The following NINL variants were observed in gnomAD, a reference collection of about 807,000 sequenced individuals.
NINL encodes ninein-like protein.
NINL carries 153 observed loss-of-function variants against 160.3 expected under a neutral mutation model. The observed-to-expected ratio is 0.95, with a 90% CI of 0.84 to 1.09. The LOEUF (loss-of-function observed/expected upper bound fraction) is 1.09, where lower values mean the gene tolerates loss of function less well. NINL is among the 50% of genes least tolerant of loss of function. The pLI, the probability that NINL is intolerant of heterozygous loss-of-function variation, is 0.00. For missense variants in NINL, 1,829 were observed against 1,764.0 expected (o/e 1.04, Z -0.66); for synonymous variants, 800 against 734.8 (o/e 1.09, Z -1.43).
At position 25,498,344 on chromosome 20, in the gene NINL, G is replaced by A. The variant is rs374453739; in HGVS notation, c.1035C>T (p.Ser345=). The A allele has an allele frequency of 2.9e-4, 470 of 1,612,550 alleles. 4 individuals are homozygous for A. The Middle Eastern group carries it at 4.1e-3, about 14-fold the overall frequency. Residue 345 remains serine, a splice_region_variant and synonymous_variant, in exon 9 of 24, where the codon AGC becomes AGT. Coordinates refer to ENST00000278886, the MANE Select transcript of NINL (RefSeq NM_025176.6). ...GIQNGREILQ[S]LDFSVDEKVN... is the part of the protein sequence containing the mutation. ...CCTTCTCGTCCACGCTGAAGTCCAG[G>A]CTCTGGAAGCAGCAAGCCTGGTAAG...
intron 1 of NINL, among the ~76,000 whole-genome samples, chr20:25,564,684 C>A (rs1016419129): frequency 1.3e-5 from 2 of 151,516 alleles, no homozygotes; most frequent in South Asian, 4.2e-4. Flanking sequence ...AACTCCTGAC[C>A]TCAAGTGATC....
At position 25,562,081 on chromosome 20, in the gene NINL, TCAGCCCCCCGCC is replaced by T. The variant is rs1343188707; in HGVS notation, c.-12+23362_-12+23373del. 9.1e-5 allele frequency among the ~76,000 whole-genome samples: 11 copies of T among 121,338 alleles called. No homozygotes were observed. In the South Asian group the frequency reaches 2.5e-3, roughly 27 times the overall value. The allele number at this position is 121,338 out of a possible 152,430, so 79.6% of individuals were successfully genotyped here. A position where few individuals can be genotyped will look rare whatever the true frequency, so the allele number is the denominator to read the frequency against. On this transcript the variant is annotated intron_variant, in intron 1 of 23. Transcript: ENST00000278886. ...CCCGTCCGGGAGGCAGGTGGGGGGG[TCAGCCCCCCGCC>T]CAGCCAGCCGCCCCGTCCGGGAGGG...
At chr20:25,502,008 G>A (rs936997139) in intron 7 of NINL, among the ~76,000 whole-genome samples, 2 of 152,128 alleles carry the variant, frequency 1.3e-5, no homozygotes, top group African/African-American at 2.4e-5. Flanking sequence ...TTGAGCCAGA[G>A]TCTCACTCTG....
intron 1 of NINL, among the ~76,000 whole-genome samples, chr20:25,565,876 G>T (rs1289209748): frequency 6.6e-6 from 1 of 152,134 alleles, no homozygotes; most frequent in African/African-American, 2.4e-5. Flanking sequence ...CTCCTGTCCT[G>T]GAACAACAAC....
At chr20:25,465,800 C>A (rs1034835009) in intron 19 of NINL, among the ~76,000 whole-genome samples, 1 of 152,114 alleles carries the variant, frequency 6.6e-6, no homozygotes, top group Non-Finnish European at 1.5e-5. Flanking sequence ...AATGTGGCAC[C>A]CCCAGCTGCA....
chr20:25,564,641 C>G (rs1020306646), intron 1 of NINL, among the ~76,000 whole-genome samples: 4 of 151,688 alleles, frequency 2.6e-5, no homozygotes, highest in Admixed American at 6.6e-5. Context: ...TTAGTAGACA[C>G]GGGGTTTCAC....
At chr20:25,560,184 A>G (rs2064918183) in intron 1 of NINL, among the ~76,000 whole-genome samples, 2 of 152,108 alleles carry the variant, frequency 1.3e-5, no homozygotes, top group Admixed American at 1.3e-4. Context: ...CCTTGGCCTC[A>G]GGCAATTCTT....
At chr20:25,583,243 T>A (rs1011106023) in intron 1 of NINL, among the ~76,000 whole-genome samples, 1 of 151,424 alleles carries the variant, frequency 6.6e-6, no homozygotes, top group African/African-American at 2.4e-5. Context: ...AGGTCTAATA[T>A]CCAGAATATA....
At chr20:25,521,350 A>T (rs1239491510) in intron 2 of NINL, among the ~76,000 whole-genome samples, 1 of 152,220 alleles carries the variant, frequency 6.6e-6, no homozygotes, top group Non-Finnish European at 1.5e-5. Flanking sequence ...GCTCTAAAAA[A>T]ATCTCTAATA....
intron 1 of NINL, among the ~76,000 whole-genome samples, chr20:25,553,707 C>G (rs2064831073): frequency 6.6e-6 from 1 of 152,186 alleles, no homozygotes; most frequent in Non-Finnish European, 1.5e-5. Context: ...CTTCACTTAT[C>G]TTTCTCCCCA....
Position 25,462,617 on chromosome 20 carries a change from T to C in NINL, c.3424-76A>G, listed in dbSNP as rs1226785327. 18 of 1,259,990 alleles carry C rather than the reference T, an allele frequency of 1.4e-5. No individual in the cohort carries two copies. In the East Asian group the frequency reaches 4.4e-4, roughly 31 times the overall value. The allele number at this position is 1,259,990 out of a possible 1,614,324, so 78.1% of individuals were successfully genotyped here. On this transcript the variant is annotated intron_variant, in intron 19 of 23. Transcript: ENST00000278886. ...ATGTTATATATACATTTGCCCATCA[T>C]TGGCTATATTTTTATTAAGTAGTCA...
At chr20:25,496,881 A>G (rs757878686) in intron 9 of NINL, 78 bp from the exon 10 acceptor site, 275 of 1,561,932 alleles carry the variant, frequency 1.8e-4, no homozygotes, top group Non-Finnish European at 2.2e-4. Flanking sequence ...TCTGGGCCCC[A>G]TATCTGCATC....
chr20:25,479,356 G>T, intron 15 of NINL, 150 bp from the exon 16 acceptor site: 2 of 1,005,956 alleles, frequency 2.0e-6, no homozygotes, highest in Non-Finnish European at 2.9e-6. Flanking sequence ...GAAGGGGACA[G>T]TGACATGAAT....
At chr20:25,549,817 T>C (rs2064785186) in intron 1 of NINL, among the ~76,000 whole-genome samples, 1 of 152,142 alleles carries the variant, frequency 6.6e-6, no homozygotes, top group Non-Finnish European at 1.5e-5. Context: ...TTAAAAAATG[T>C]TTCCACACAG....
chr20:25,521,825 C>T (rs2064268630), intron 2 of NINL, among the ~76,000 whole-genome samples: 1 of 152,202 alleles, frequency 6.6e-6, no homozygotes, highest in Non-Finnish European at 1.5e-5. Flanking sequence ...CCCAAGGTCA[C>T]AGATCAATTT....
At chr20:25,512,767 G>A in intron 4 of NINL, 67 bp downstream of exon 4, 1 of 1,512,002 alleles carries the variant, frequency 6.6e-7, no homozygotes, top group Non-Finnish European at 8.9e-7. Context: ...GCTACAAAAA[G>A]GGATGAAGGG....
At chr20:25,550,919 C>A (rs979288019) in intron 1 of NINL, among the ~76,000 whole-genome samples, 3 of 152,140 alleles carry the variant, frequency 2.0e-5, no homozygotes, top group Non-Finnish European at 2.9e-5. Flanking sequence ...TTACAGGTGT[C>A]GGGCTGGGGG....
intron 13 of NINL, among the ~76,000 whole-genome samples, chr20:25,487,597 G>T (rs995995929): frequency 2.0e-5 from 3 of 152,146 alleles, no homozygotes; most frequent in African/African-American, 7.2e-5. Context: ...TGGGGTTTTT[G>T]ATGGTGAAAA....
At chr20:25,539,435 T>C (rs988622290) in intron 1 of NINL, among the ~76,000 whole-genome samples, 4 of 152,222 alleles carry the variant, frequency 2.6e-5, no homozygotes, top group Non-Finnish European at 5.9e-5. Context: ...TCCTGCCACT[T>C]GTGGCCTCGC....
Sources: gnomAD v4.1 joint callset for allele counts (sites outside exome capture counted in the v4.1 genomes callset) on GRCh38, gnomAD v4.1.1 for gene constraint, MANE v1.5 for transcripts, NCBI Gene and HGNC (gene_info 2026-07-23, HGNC 2026-07-21) for gene names.